The following MARCHF7 variants were observed in gnomAD, a reference collection of about 807,000 sequenced individuals.
MARCHF7 encodes the protein membrane associated ring-CH-type finger 7.
Under a neutral mutation model 76.5 loss-of-function variants are expected in MARCHF7, and 20 were observed. The ratio of observed to expected loss-of-function variants is 0.26; its 90% CI spans 0.18 to 0.38. The LOEUF (loss-of-function observed/expected upper bound fraction) is 0.38, where lower values mean the gene tolerates loss of function less well. MARCHF7 is among the 10% of genes least tolerant of loss of function. The probability of loss-of-function intolerance (pLI) is 1.00; values close to 1 mark genes in which losing one functional copy is unlikely to be tolerated. For synonymous variants in MARCHF7, 295 were observed against 293.0 expected, an observed-to-expected ratio of 1.01 and a Z score of -0.07; for missense variants, 797 against 812.9, an observed-to-expected ratio of 0.98 and a Z score of 0.24.
At chr2:159,726,966 G>C (rs1702243968) in intron 3 of MARCHF7, among the ~76,000 whole-genome samples, 1 of 152,132 alleles carries the variant, frequency 6.6e-6, no homozygotes, top group Non-Finnish European at 1.5e-5. Context: ...GAAACAATAG[G>C]TTATACTATA....
intron 4 of MARCHF7, among the ~76,000 whole-genome samples, chr2:159,737,995 A>G (rs935929295): frequency 5.3e-5 from 8 of 152,310 alleles, no homozygotes; most frequent in African/African-American, 1.7e-4. Flanking sequence ...TCGGACTGGC[A>G]GGCTTTGTTC....
At chr2:159,725,799 A>G (rs1482581688) in intron 3 of MARCHF7, among the ~76,000 whole-genome samples, 2 of 152,198 alleles carry the variant, frequency 1.3e-5, no homozygotes, top group Admixed American at 6.5e-5. Flanking sequence ...AGAGGGAAGC[A>G]TTAAAAATTC....
At position 159,745,715 on chromosome 2, in the gene MARCHF7, T is replaced by C. The variant is rs1574354602; in HGVS notation, c.347-55T>C. The stretch of plus-strand genomic sequence containing the variant: ...TCCTCTCTATTACTGAAGATTGTCA[T>C]CATCCAAAGCCTTGAAAGCTTTCTC... On this transcript the variant is annotated intron_variant, in intron 5 of 11. Transcript: ENST00000409175. 14 of 1,222,346 alleles carry C rather than the reference T, an allele frequency of 1.1e-5. No individual in the cohort carries two copies. The East Asian group carries it at 2.9e-4, about 25-fold the overall frequency. The allele number at this position is 1,222,346 out of a possible 1,614,324, so 75.7% of individuals were successfully genotyped here.
chr2:159,754,973 A>G (rs573871403), intron 8 of MARCHF7, among the ~76,000 whole-genome samples: 1 of 152,262 alleles, frequency 6.6e-6, no homozygotes, highest in Non-Finnish European at 1.5e-5. Flanking sequence ...TACGTGTACA[A>G]TTTTTTTAAA....
chr2:159,750,322 T>A (rs1467130225), intron 7 of MARCHF7, among the ~76,000 whole-genome samples: 1 of 152,184 alleles, frequency 6.6e-6, no homozygotes, highest in South Asian at 2.1e-4. Flanking sequence ...GTCAGGAGAT[T>A]GAGACCATCC....
chr2:159,739,840 AT>A (rs1286875512), intron 4 of MARCHF7, among the ~76,000 whole-genome samples: 1 of 152,104 alleles, frequency 6.6e-6, no homozygotes, highest in African/African-American at 2.4e-5. Flanking sequence ...ATTAACAAAC[AT>A]TTTTTGTCTT....
At chr2:159,733,228 A>C in intron 4 of MARCHF7, 1 of 871,958 alleles carries the variant, frequency 1.1e-6, no homozygotes, top group Middle Eastern at 5.8e-4. Flanking sequence ...CTCAGTGTCA[A>C]AGGGAGCATT....
At chr2:159,753,923 G>C (rs1020850693) in intron 8 of MARCHF7, among the ~76,000 whole-genome samples, 5 of 152,178 alleles carry the variant, frequency 3.3e-5, no homozygotes, top group African/African-American at 1.2e-4. Context: ...AGGGAAGCTC[G>C]TATTTTTGCC....
intron 8 of MARCHF7, among the ~76,000 whole-genome samples, chr2:159,756,247 T>TTAA (rs1176721756): frequency 6.6e-6 from 1 of 152,192 alleles, no homozygotes; most frequent in Non-Finnish European, 1.5e-5. Context: ...CAGGTTATTG[T>TTAA]TTAAGAACAT....
chr2:159,750,224 AT>A, intron 7 of MARCHF7, among the ~76,000 whole-genome samples: 1 of 152,306 alleles, frequency 6.6e-6, no homozygotes, highest in African/African-American at 2.4e-5. Context: ...AGATATTAGT[AT>A]TTAACAGAGA....
Position 159,733,471 on chromosome 2 carries a change from C to A in MARCHF7, c.153+4296C>A, listed in dbSNP as rs542293132. On this transcript the variant is annotated intron_variant, in intron 4 of 11. Transcript: ENST00000409175. ...CAGGCTGGTCTCGAACTTAGGAGAT[C>A]AAGCAGTCTTCCTGCCTCACCCTCC... 3.2e-6 allele frequency: 3 copies of A among 929,652 alleles called. No homozygotes were observed. The East Asian group carries it at 3.5e-4, about 109-fold the overall frequency. The allele number at this position is 929,652 out of a possible 1,614,324, so 57.6% of individuals were successfully genotyped here. A position where few individuals can be genotyped will look rare whatever the true frequency, so the allele number is the denominator to read the frequency against.
chr2:159,765,953 A>G (rs1296656393), intron 11 of MARCHF7, among the ~76,000 whole-genome samples: 1 of 152,152 alleles, frequency 6.6e-6, no homozygotes, highest in Non-Finnish European at 1.5e-5. Flanking sequence ...ACGTCATGAT[A>G]GTAATTTGTT....
rs1474885198 is a variant in MARCHF7 at position 159,767,303 on chromosome 2, A to G, written c.2076A>G (p.Glu692=). 1 of 1,611,620 alleles carries G rather than the reference A, an allele frequency of 6.2e-7. No individual in the cohort carries two copies. The highest frequency in any genetic ancestry group is 1.7e-4 in the Middle Eastern group (1 of 6,060). ...EDLETSEDDS[E]EDGDHNRTFD... ...CAACAGCTTCAGAGGATGATTCCGAAGAAGACGGAGACCATAACAGGACAT... is the reference window on the plus strand; with the variant it reads ...CAACAGCTTCAGAGGATGATTCCGAGGAAGACGGAGACCATAACAGGACAT... The change falls in exon 12 of 12, where the codon GAA becomes GAG. Residue 692 remains glutamate (E), a synonymous_variant. Coordinates refer to ENST00000409175, the MANE Select transcript of MARCHF7 (RefSeq NM_001282805.2).
rs367637884 is a variant in MARCHF7 at position 159,758,211 on chromosome 2, A to G, written c.1784-1015A>G. 2.8e-4 allele frequency among the ~76,000 whole-genome samples: 42 copies of G among 152,370 alleles called. No individual in the cohort carries two copies. The East Asian group carries it at 4.2e-3, about 15-fold the overall frequency. On this transcript the variant is annotated intron_variant, in intron 8 of 11. Transcript: ENST00000409175. ...AATATAAACAAACAAAGGAAAAGGC[A>G]GAAAGAACCTACAAGTTTAATTACA...
At position 159,760,751 on chromosome 2, in the gene MARCHF7, G is replaced by A. The variant is rs956032181; in HGVS notation, c.1893+1416G>A. Among the ~76,000 whole-genome samples, 4 of 147,026 alleles carry A rather than the reference G, an allele frequency of 2.7e-5. No homozygotes were observed. In the South Asian group the frequency reaches 6.4e-4, roughly 24 times the overall value. ...TGTTTTTGTTTTTTGTTTTTGACTC[G>A]CTCTGTCATGCCTTTTCCTTTTTGA... On this transcript the variant is annotated intron_variant, in intron 9 of 11. Transcript: ENST00000409175.
intron 4 of MARCHF7, among the ~76,000 whole-genome samples, chr2:159,731,198 C>A (rs1222039499): frequency 6.6e-6 from 1 of 152,146 alleles, no homozygotes; most frequent in Non-Finnish European, 1.5e-5. Context: ...TGGCCGACAT[C>A]TTTTTGTATC....
chr2:159,760,332 C>T (rs761450707), intron 9 of MARCHF7, among the ~76,000 whole-genome samples: 1 of 152,094 alleles, frequency 6.6e-6, no homozygotes, highest in Non-Finnish European at 1.5e-5. Flanking sequence ...CTAAGGGATT[C>T]CCAGATCCTT....
chr2:159,757,591 CG>C (rs1706491241), intron 8 of MARCHF7, among the ~76,000 whole-genome samples: 1 of 152,152 alleles, frequency 6.6e-6, no homozygotes, highest in Admixed American at 6.5e-5. Flanking sequence ...TGCAGCGAGC[CG>C]TGATCATGCC....
chr2:159,733,025 A>C (rs1290382396), intron 4 of MARCHF7: 4 of 643,656 alleles, frequency 6.2e-6, no homozygotes, highest in Non-Finnish European at 7.7e-6. Flanking sequence ...TTCAGGTGTT[A>C]CTAATTATAA....
Sources: gnomAD v4.1 joint callset for allele counts (sites outside exome capture counted in the v4.1 genomes callset) on GRCh38, gnomAD v4.1.1 for gene constraint, MANE v1.5 for transcripts, NCBI Gene and HGNC (gene_info 2026-07-23, HGNC 2026-07-21) for gene names.